The following DERL1 variants were observed in gnomAD, a reference collection of about 807,000 sequenced individuals.
DERL1 encodes derlin-1.
DERL1 carries 24 observed loss-of-function variants against 41.6 expected under a neutral mutation model. The observed-to-expected ratio is 0.58, with a 90% CI of 0.42 to 0.81. The LOEUF (loss-of-function observed/expected upper bound fraction) is 0.81. DERL1 is among the 30% of genes least tolerant of loss of function. DERL1 has a pLI of 0.00. For missense variants in DERL1, 260 were observed against 314.3 expected (o/e 0.83, Z 1.31); for synonymous variants, 124 against 112.5 (o/e 1.10, Z -0.65).
At position 123,042,103 on chromosome 8, in the gene DERL1, C is replaced by A. The variant is rs1281119062; in HGVS notation, c.20G>T (p.Trp7Leu). MSDIGD[W>L]FRSIPAITRY... is the part of the protein sequence containing the mutation. ...CGTGATCGCCGGGATGCTCCTGAAC[C>A]AGTCTCCGATGTCCGACATCTTCGA... The change falls in exon 1 of 8, where the codon TGG becomes TTG. Residue 7 changes from tryptophan to leucine, a missense_variant. By Grantham distance (61) the Trp-to-Leu change is moderately conservative (BLOSUM62 -2). Coordinates refer to ENST00000259512, the MANE Select transcript of DERL1 (RefSeq NM_024295.6). The A allele has an allele frequency of 1.9e-6, 3 of 1,611,258 alleles. No individual in the cohort carries two copies. Among genetic ancestry groups the A allele is most frequent in the Admixed American group, 3.3e-5 (2 of 59,862 alleles).
intron 6 of DERL1, among the ~76,000 whole-genome samples, chr8:123,019,833 C>G (rs1814710890): frequency 6.6e-6 from 1 of 152,098 alleles, no homozygotes; most frequent in African/African-American, 2.4e-5. Flanking sequence ...GACTTGCACC[C>G]TGAAATCAAC....
At chr8:123,023,819 T>C in intron 3 of DERL1, 80 bp from the exon 4 acceptor site, 1 of 1,511,804 alleles carries the variant, frequency 6.6e-7, no homozygotes, top group Non-Finnish European at 9.0e-7. Context: ...TTTCCTCCCA[T>C]TTAAAAGTTC....
Position 123,042,284 on chromosome 8 carries a change from A to C in DERL1, c.-162T>G. The C allele has an allele frequency of 1.0e-6, 1 of 981,316 alleles. No homozygotes were observed. The highest frequency in any genetic ancestry group is 1.4e-6 in the Non-Finnish European group (1 of 707,124). The allele number at this position is 981,316 out of a possible 1,614,324, so 60.8% of individuals were successfully genotyped here. A position where few individuals can be genotyped will look rare whatever the true frequency, so the allele number is the denominator to read the frequency against. ...GCGGACGTGGCGCCACCGAATTCGG[A>C]CCAGCGAGGCAGCCTTCTGAGGCGA... is the stretch of plus-strand genomic sequence containing the variant. On this transcript the variant is annotated 5_prime_UTR_variant, in exon 1 of 8. Transcript: ENST00000259512.
intron 7 of DERL1, chr8:123,015,833 GTTTT>G (rs1403440805): frequency 2.6e-6 from 1 of 391,548 alleles, no homozygotes; most frequent in African/African-American, 2.0e-5. Flanking sequence ...CACTCTGAAC[GTTTT>G]TTTCTCTGCT....
intron 7 of DERL1, chr8:123,016,652 G>C (rs374728084): frequency 2.0e-5 from 3 of 152,314 alleles, no homozygotes; most frequent in Admixed American, 2.0e-4. Context: ...AGCCAACACT[G>C]AGTGAAGCGC....
rs550182260 is a variant in DERL1, at chr8:123,019,243, T to C, written c.569A>G (p.Tyr190Cys). Reference sequence around the variant, plus strand: ...ATTTCTTCCTCCCAAGTCCATTGGGTATCTGAACATTAGGAAAAAATAAAG... The same window carrying C: ...ATTTCTTCCTCCCAAGTCCATTGGGCATCTGAACATTAGGAAAAAATAAAG... ...GHLYFFLMFR[Y>C]PMDLGGRNFL... The change falls in exon 7 of 8, where the codon TAC (tyrosine) becomes TGC (cysteine). Residue 190 changes from tyrosine to cysteine, a missense_variant. Physicochemically the swap from Tyr to Cys is radical, Grantham distance 194. Coordinates refer to ENST00000259512, the MANE Select transcript of DERL1 (RefSeq NM_024295.6). 2.5e-6 allele frequency: 4 copies of C among 1,614,094 alleles called. No homozygotes were observed. The highest frequency in any genetic ancestry group is 1.7e-6 in the Non-Finnish European group (2 of 1,179,966).
chr8:123,021,870 A>G (rs1208231549), intron 5 of DERL1, among the ~76,000 whole-genome samples: 1 of 152,240 alleles, frequency 6.6e-6, no homozygotes, highest in Non-Finnish European at 1.5e-5. Flanking sequence ...ACAAATTGCT[A>G]CAAATAAAAT....
chr8:123,039,903 AG>A (rs1218604424), intron 1 of DERL1, among the ~76,000 whole-genome samples: 2 of 152,202 alleles, frequency 1.3e-5, no homozygotes, highest in South Asian at 2.1e-4. Context: ...TAAATACCAA[AG>A]GGTAATATGT....
rs1488803229 is a variant in DERL1, at chr8:123,041,950, C to A, written c.153+20G>T. 2 of 1,592,098 alleles carry A rather than the reference C, an allele frequency of 1.3e-6. No homozygotes were observed. The highest frequency in any genetic ancestry group is 8.6e-7 in the Non-Finnish European group (1 of 1,166,914). On this transcript the variant is annotated intron_variant, in intron 1 of 7. Coordinates refer to ENST00000259512, the MANE Select transcript of DERL1 (RefSeq NM_024295.6). ...CTCCTGGGGCCTGTAGTCTCCACGCCCCCCGTCTCCGGTAAGTACCTGAAA... is the reference window on the plus strand; with the variant it reads ...CTCCTGGGGCCTGTAGTCTCCACGCACCCCGTCTCCGGTAAGTACCTGAAA...
chr8:123,033,562 G>A (rs1812861609), intron 1 of DERL1, among the ~76,000 whole-genome samples: 1 of 152,110 alleles, frequency 6.6e-6, no homozygotes, highest in Non-Finnish European at 1.5e-5. Flanking sequence ...TGACCAAGGT[G>A]GAGAAACCTT....
intron 5 of DERL1, 29 bp from the exon 6 acceptor site, chr8:123,021,528 G>A (rs1297279668): frequency 1.9e-6 from 3 of 1,601,882 alleles, no homozygotes; most frequent in Non-Finnish European, 2.6e-6. Flanking sequence ...ATGCAAATGT[G>A]AGTAGCCACA....
intron 6 of DERL1, among the ~76,000 whole-genome samples, chr8:123,020,487 T>C (rs1228758200): frequency 1.3e-5 from 2 of 151,086 alleles, no homozygotes; most frequent in African/African-American, 4.9e-5. Context: ...CTTGAAAAAA[T>C]AAATAAGTAA....
intron 1 of DERL1, 90 bp from the exon 2 acceptor site, chr8:123,030,806 TCCTCAA>T (rs1214959862): frequency 2.3e-6 from 2 of 876,108 alleles, no homozygotes; most frequent in African/African-American, 3.4e-5. Flanking sequence ...CAAAGCATCC[TCCTCAA>T]TGAGAGGTGT....
intron 1 of DERL1, among the ~76,000 whole-genome samples, chr8:123,034,653 T>A (rs1185048216): frequency 6.6e-6 from 1 of 152,200 alleles, no homozygotes; most frequent in African/African-American, 2.4e-5. Flanking sequence ...TTACAATCCC[T>A]CTCACAAATG....
chr8:123,027,684 A>G (rs1415850047), intron 2 of DERL1, among the ~76,000 whole-genome samples: 10 of 152,196 alleles, frequency 6.6e-5, no homozygotes, highest in Non-Finnish European at 1.5e-4. Flanking sequence ...TTCAGAGAGA[A>G]TAACATTACA....
In DERL1 at chr8:123,031,503, C is replaced by T. The variant is rs137899809; in HGVS notation, c.154-787G>A. Among the ~76,000 whole-genome samples, 527 of 152,132 alleles carry T rather than the reference C, an allele frequency of 3.5e-3. 1 individual carries two copies. Among genetic ancestry groups the T allele is most frequent in the African/African-American group, 0.012 (505 of 41,490 alleles). ...GAGGTTGCAGTAAGCCAAGATCGCG[C>T]CACTACACTCCAGCCTGGGTGACGA... On this transcript the variant is annotated intron_variant, in intron 1 of 7. Coordinates refer to ENST00000259512, the MANE Select transcript of DERL1 (RefSeq NM_024295.6).
At chr8:123,018,677 C>T (rs984634685) in intron 7 of DERL1, 1 of 153,460 alleles carries the variant, frequency 6.5e-6, no homozygotes, top group Non-Finnish European at 1.4e-5. Flanking sequence ...AGAGCACAAA[C>T]TCCCAGGGGG....
intron 7 of DERL1, chr8:123,015,821 C>T: frequency 2.3e-6 from 1 of 428,288 alleles, no homozygotes. Context: ...CAGCTAAATT[C>T]ACACTCTGAA....
chr8:123,013,648 G>C lies in DERL1; in HGVS notation c.*1799C>G, dbSNP rs1334961269. The C allele has an allele frequency of 6.6e-6, 1 of 152,164 alleles. No individual in the cohort carries two copies. The highest frequency in any genetic ancestry group is 2.4e-5 in the African/African-American group (1 of 41,434). 9.4% of individuals were successfully genotyped at this position (152,164 alleles called of 1,614,324 possible). A position where few individuals can be genotyped will look rare whatever the true frequency, so the allele number is the denominator to read the frequency against. The stretch of plus-strand genomic sequence containing the variant: ...TACTTGTAAACCTTTAGGAAAAAAT[G>C]ACTGCTCGCAGGCAGCTGACTGGTA... On this transcript the variant is annotated 3_prime_UTR_variant, in exon 8 of 8. Coordinates refer to ENST00000259512, the MANE Select transcript of DERL1 (RefSeq NM_024295.6).
Sources: gnomAD v4.1 joint callset for allele counts (sites outside exome capture counted in the v4.1 genomes callset) on GRCh38, gnomAD v4.1.1 for gene constraint, MANE v1.5 for transcripts, NCBI Gene and HGNC (gene_info 2026-07-23, HGNC 2026-07-21) for gene names.